The following QTMAN variants were observed in gnomAD, a reference collection of about 807,000 sequenced individuals.
QTMAN encodes tRNA-queuosine alpha-mannosyltransferase.
chr2:144,281,793 A>G, the QTMAN span, among the ~76,000 whole-genome samples: 1 of 152,212 alleles, frequency 6.6e-6, no homozygotes, highest in Non-Finnish European at 1.5e-5. Flanking sequence ...CCTCAGAAGA[A>G]AGCAAACCTG....
At chr2:144,136,395 A>AAAAGGAAAAGGAAAGGAAAGGAAAGG in the QTMAN span, among the ~76,000 whole-genome samples, 21 of 97,456 alleles carry the variant, frequency 2.2e-4, no homozygotes, top group African/African-American at 3.1e-4. Context: ...AAGGAAAAGG[A>AAAAGGAAAAGGAAAGGAAAGGAAAGG]AAAGGAAAGG....
chr2:144,009,430 T>G, the QTMAN span, among the ~76,000 whole-genome samples: 1 of 151,580 alleles, frequency 6.6e-6, no homozygotes, highest in African/African-American at 2.4e-5. Context: ...AATGGAGGAG[T>G]CACAGGAGCT....
chr2:144,186,124 A>C, the QTMAN span, among the ~76,000 whole-genome samples: 17 of 152,304 alleles, frequency 1.1e-4, no homozygotes, highest in Non-Finnish European at 2.5e-4. Flanking sequence ...GTATGGGTCA[A>C]TATATCTACT....
the QTMAN span, among the ~76,000 whole-genome samples, chr2:144,216,856 T>C: frequency 6.6e-6 from 1 of 152,164 alleles, no homozygotes; most frequent in Non-Finnish European, 1.5e-5. Context: ...TCTATTATCA[T>C]CCTAGTTTAA....
At chr2:144,172,125 T>C in the QTMAN span, among the ~76,000 whole-genome samples, 2 of 152,142 alleles carry the variant, frequency 1.3e-5, no homozygotes, top group African/African-American at 4.8e-5. Flanking sequence ...AGATCCGCCA[T>C]AGCAAAATAA....
chr2:144,091,550 T>C, the QTMAN span, among the ~76,000 whole-genome samples: 50 of 152,318 alleles, frequency 3.3e-4, no homozygotes, highest in Non-Finnish European at 5.9e-4. Flanking sequence ...GGTGAGGATG[T>C]GGAGAAACTA....
the QTMAN span, among the ~76,000 whole-genome samples, chr2:144,323,177 T>G: frequency 3.9e-5 from 6 of 152,176 alleles, no homozygotes; most frequent in Admixed American, 6.5e-5. Context: ...CATGCAAAAT[T>G]TGGCTAGTTT....
the QTMAN span, among the ~76,000 whole-genome samples, chr2:144,047,169 G>T: frequency 6.6e-6 from 1 of 152,172 alleles, no homozygotes. Flanking sequence ...TACTCAGGAG[G>T]CTGAGGCAGG....
At chr2:144,324,620 C>G in the QTMAN span, among the ~76,000 whole-genome samples, 1 of 152,132 alleles carries the variant, frequency 6.6e-6, no homozygotes, top group Non-Finnish European at 1.5e-5. Flanking sequence ...AGGCAATGAC[C>G]TAGGAATTGC....
At chr2:144,295,084 T>C in the QTMAN span, among the ~76,000 whole-genome samples, 1 of 152,228 alleles carries the variant, frequency 6.6e-6, no homozygotes, top group Admixed American at 6.5e-5. Context: ...ATAAAGCATC[T>C]ATAAAGAATG....
chr2:143,958,449 G>C, the QTMAN span, among the ~76,000 whole-genome samples: 2 of 152,074 alleles, frequency 1.3e-5, no homozygotes, highest in African/African-American at 2.4e-5. Context: ...GTATGCATGC[G>C]TGTAAAACCA....
At chr2:143,939,181 G>A in the QTMAN span, 1 of 152,202 alleles carries the variant, frequency 6.6e-6, no homozygotes, top group Admixed American at 6.5e-5. Context: ...AGGTGAAAGA[G>A]CAGATTAGGA....
chr2:144,245,613 C>T, the QTMAN span, among the ~76,000 whole-genome samples: 1 of 152,010 alleles, frequency 6.6e-6, no homozygotes, highest in Non-Finnish European at 1.5e-5. Flanking sequence ...TTTTCTTTAA[C>T]CAAATAGAAT....
the QTMAN span, among the ~76,000 whole-genome samples, chr2:144,179,991 T>C: frequency 1.2e-4 from 18 of 152,212 alleles, no homozygotes; most frequent in African/African-American, 4.1e-4. Context: ...AAATAATTTC[T>C]TTTACTGTTC....
At chr2:144,064,366 A>G in the QTMAN span, among the ~76,000 whole-genome samples, 1 of 152,244 alleles carries the variant, frequency 6.6e-6, no homozygotes, top group African/African-American at 2.4e-5. Flanking sequence ...TTCAATCTGC[A>G]TGGAAAGAAT....
At chr2:144,184,760 G>A in the QTMAN span, among the ~76,000 whole-genome samples, 3 of 152,028 alleles carry the variant, frequency 2.0e-5, no homozygotes, top group African/African-American at 4.8e-5. Flanking sequence ...TTTGCATACA[G>A]GGATGAGGGC....
At chr2:144,133,202 T>TAA in the QTMAN span, among the ~76,000 whole-genome samples, 1 of 78,824 alleles carries the variant, frequency 1.3e-5, no homozygotes, top group Non-Finnish European at 2.1e-5. Flanking sequence ...TATATATATA[T>TAA]ATTTATATAT....
chr2:144,081,211 G>A, the QTMAN span, among the ~76,000 whole-genome samples: 2 of 152,118 alleles, frequency 1.3e-5, no homozygotes, highest in Non-Finnish European at 2.9e-5. Flanking sequence ...GGGTACTGAA[G>A]GAAAAGTTGA....
chr2:143,990,582 A>C, the QTMAN span, among the ~76,000 whole-genome samples: 10 of 152,174 alleles, frequency 6.6e-5, no homozygotes, highest in South Asian at 4.1e-4. Flanking sequence ...CAGATTAATA[A>C]AATTCTCCTG....
Sources: allele counts gnomAD v4.1 joint callset (sites outside exome capture counted in the v4.1 genomes callset), GRCh38; gene constraint gnomAD v4.1.1; transcripts MANE v1.5; gene names NCBI Gene and HGNC (gene_info 2026-07-23, HGNC 2026-07-21).